The following ZFPM2 variants were observed in gnomAD, a reference collection of about 807,000 sequenced individuals.
The protein encoded by ZFPM2 is zinc finger protein ZFPM2.
A neutral mutation model predicts 98.6 loss-of-function variants in ZFPM2; 20 were observed. The observed-to-expected ratio is 0.20, with a 90% CI of 0.14 to 0.29. The LOEUF (loss-of-function observed/expected upper bound fraction) is 0.29. ZFPM2 is among the 10% of genes least tolerant of loss of function. The pLI is 1.00. For synonymous variants in ZFPM2, 518 were observed against 502.7 expected, an observed-to-expected ratio of 1.03 and a Z score of -0.41; for missense variants, 1,310 against 1,388.6, an observed-to-expected ratio of 0.94 and a Z score of 0.90.
chr8:105,789,419 CT>C (rs1159382520), intron 6 of ZFPM2, among the ~76,000 whole-genome samples: 1 of 152,110 alleles, frequency 6.6e-6, no homozygotes, highest in Non-Finnish European at 1.5e-5. Flanking sequence ...TGAACTCATC[CT>C]TTTTTATGGC....
Position 105,801,627 on chromosome 8 carries a change from G to T in ZFPM2, c.1545G>T (p.Glu515Asp). The T allele has an allele frequency of 6.2e-7, 1 of 1,613,678 alleles. No homozygotes were observed. The highest frequency in any genetic ancestry group is 1.3e-5 in the African/African-American group (1 of 74,986). ...TCACCATGGTCCCTCAAGCTTCAGAGATCTTAGCTAAGATGTCTGAACTGG... is the reference window on the plus strand; with the variant it reads ...TCACCATGGTCCCTCAAGCTTCAGATATCTTAGCTAAGATGTCTGAACTGG... Reference protein sequence around the residue: ...QDITMVPQASEILAKMSELVH... With the variant: ...QDITMVPQASDILAKMSELVH... Residue 515 changes from glutamate to aspartate, a missense_variant, in exon 8 of 8, where the codon GAG becomes GAT. Transcript: ENST00000407775.
chr8:105,755,620 A>G (rs1359988834), intron 5 of ZFPM2, among the ~76,000 whole-genome samples: 1 of 152,132 alleles, frequency 6.6e-6, no homozygotes, highest in Non-Finnish European at 1.5e-5. Context: ...TAAAATATTA[A>G]TTTGTTGGTA....
chr8:105,788,948 C>A lies in ZFPM2; in HGVS notation c.739+24C>A, dbSNP rs768853017. The A allele has an allele frequency of 2.1e-5, 34 of 1,588,536 alleles. No homozygotes were observed. In the Admixed American group the frequency reaches 2.4e-4, roughly 11 times the overall value. On this transcript the variant is annotated intron_variant, in intron 6 of 7. Coordinates refer to ENST00000407775, the MANE Select transcript of ZFPM2 (RefSeq NM_012082.4). ...TAGTAAGTGCTCAGTGCTGTGTAGC[C>A]CAGCTTTAGAGGTGATGGGAATTTA...
intron 5 of ZFPM2, among the ~76,000 whole-genome samples, chr8:105,729,722 A>G (rs1021711430): frequency 2.6e-5 from 4 of 151,640 alleles, no homozygotes; most frequent in African/African-American, 4.8e-5. Context: ...GTTCATTGTC[A>G]TAGAGGAAGT....
At chr8:105,366,273 T>C (rs1048966680) in intron 1 of ZFPM2, among the ~76,000 whole-genome samples, 3 of 152,170 alleles carry the variant, frequency 2.0e-5, no homozygotes, top group African/African-American at 7.2e-5. Context: ...CTTGGACTTT[T>C]CATCTGTACT....
At chr8:105,652,842 A>G (rs1189410644) in intron 5 of ZFPM2, among the ~76,000 whole-genome samples, 2 of 152,254 alleles carry the variant, frequency 1.3e-5, no homozygotes, top group Non-Finnish European at 2.9e-5. Flanking sequence ...TGTCTATAAA[A>G]TAGTAAATAC....
At chr8:105,346,352 C>G (rs889124815) in intron 1 of ZFPM2, among the ~76,000 whole-genome samples, 7 of 151,276 alleles carry the variant, frequency 4.6e-5, no homozygotes, top group Non-Finnish European at 7.4e-5. Flanking sequence ...CCATTGCACT[C>G]CAGCCTGGGC....
At chr8:105,357,622 A>G (rs932853374) in intron 1 of ZFPM2, among the ~76,000 whole-genome samples, 5 of 152,126 alleles carry the variant, frequency 3.3e-5, no homozygotes, top group African/African-American at 1.2e-4. Flanking sequence ...CAGTTGGTTT[A>G]TGTTTCTTCT....
chr8:105,715,824 G>A (rs1264660201), intron 5 of ZFPM2, among the ~76,000 whole-genome samples: 1 of 151,986 alleles, frequency 6.6e-6, no homozygotes, highest in Non-Finnish European at 1.5e-5. Context: ...TAGATTCTTG[G>A]ACTTTGCCCC....
intron 5 of ZFPM2, among the ~76,000 whole-genome samples, chr8:105,688,113 A>T (rs555089582): frequency 4.3e-4 from 66 of 152,188 alleles, no homozygotes; most frequent in African/African-American, 1.6e-3. Context: ...GAACTACTCA[A>T]CTTTAAAATG....
intron 5 of ZFPM2, among the ~76,000 whole-genome samples, chr8:105,719,640 A>T (rs1382235244): frequency 1.3e-5 from 2 of 151,920 alleles, no homozygotes; most frequent in African/African-American, 2.4e-5. Flanking sequence ...AGTTTTAGAT[A>T]ATACATATAG....
chr8:105,356,392 A>G (rs1223711490), intron 1 of ZFPM2, among the ~76,000 whole-genome samples: 2 of 152,206 alleles, frequency 1.3e-5, no homozygotes, highest in African/African-American at 4.8e-5. Flanking sequence ...ATATTAATAA[A>G]TGGCTGACTG....
At chr8:105,596,123 G>A (rs1815964936) in intron 4 of ZFPM2, among the ~76,000 whole-genome samples, 1 of 151,936 alleles carries the variant, frequency 6.6e-6, no homozygotes, top group South Asian at 2.1e-4. Flanking sequence ...AAGATTTATG[G>A]CAAATGGTAG....
intron 5 of ZFPM2, among the ~76,000 whole-genome samples, chr8:105,749,184 A>C (rs1273998008): frequency 6.6e-6 from 1 of 152,228 alleles, no homozygotes; most frequent in East Asian, 1.9e-4. Context: ...GGATTTTAAA[A>C]GATTGTGTAA....
At chr8:105,716,610 C>G (rs1244993254) in intron 5 of ZFPM2, among the ~76,000 whole-genome samples, 1 of 151,872 alleles carries the variant, frequency 6.6e-6, no homozygotes, top group Non-Finnish European at 1.5e-5. Context: ...TGTTGAGAGA[C>G]CATGTGCTCT....
chr8:105,524,056 T>C (rs1390722643), intron 3 of ZFPM2, among the ~76,000 whole-genome samples: 1 of 152,192 alleles, frequency 6.6e-6, no homozygotes, highest in African/African-American at 2.4e-5. Context: ...AAGTAATATA[T>C]GAAAATACTC....
chr8:105,617,067 C>T (rs1322432784), intron 4 of ZFPM2, among the ~76,000 whole-genome samples: 28 of 88,424 alleles, frequency 3.2e-4, no homozygotes, highest in Non-Finnish European at 5.8e-4. Flanking sequence ...AAAAGATCCA[C>T]ACCATAAATG....
rs201402000 is a variant in ZFPM2, at chr8:105,444,397, T to A, written c.301+16T>A. 3.8e-6 allele frequency: 6 copies of A among 1,586,598 alleles called. No homozygotes were observed. The East Asian group carries it at 1.4e-4, about 36-fold the overall frequency. ...GATGGACCAGGTAGGGGAGAATATT[T>A]AAAATTCAACCGTCTTTAGTACTGT... On this transcript the variant is annotated intron_variant, in intron 3 of 7. Transcript: ENST00000407775.
At chr8:105,794,074 C>G (rs191141951) in intron 6 of ZFPM2, among the ~76,000 whole-genome samples, 1 of 152,208 alleles carries the variant, frequency 6.6e-6, no homozygotes, top group Non-Finnish European at 1.5e-5. Flanking sequence ...TCTCTCAACT[C>G]GTCGAAGTCC....
Sources: allele counts gnomAD v4.1 joint callset (sites outside exome capture counted in the v4.1 genomes callset), GRCh38; gene constraint gnomAD v4.1.1; transcripts MANE v1.5; gene names NCBI Gene and HGNC (gene_info 2026-07-23, HGNC 2026-07-21).